The following TNC variants were observed in gnomAD, a reference collection of about 807,000 sequenced individuals.
TNC encodes tenascin C.
Under a neutral mutation model 202.4 loss-of-function variants are expected in TNC, and 109 were observed. The ratio of observed to expected loss-of-function variants is 0.54; its 90% CI spans 0.46 to 0.63. TNC has a LOEUF of 0.63. TNC is among the 30% of genes least tolerant of loss of function. TNC has a pLI of 0.00. For synonymous variants in TNC, 1,007 were observed against 1,089.7 expected, an observed-to-expected ratio of 0.92 and a Z score of 1.50; for missense variants, 2,756 against 2,833.3, an observed-to-expected ratio of 0.97 and a Z score of 0.62.
intron 1 of TNC, among the ~76,000 whole-genome samples, chr9:115,104,737 G>A (rs1836486012): frequency 6.6e-6 from 1 of 152,056 alleles, no homozygotes; most frequent in Non-Finnish European, 1.5e-5. Context: ...CCATGACATT[G>A]GGCATATTAA....
Position 115,090,926 on chromosome 9 carries a change from G to A in TNC, c.93C>T (p.His31=). ...TGGCGTTCACCCCACTCTGTCGCTT[G>A]TGCCGGATGACTTTCTTGAGGACCC... ...EGGVLKKVIR[H]KRQSGVNATL... The change falls in exon 2 of 28, where the codon CAC becomes CAT. Residue 31 remains histidine, a synonymous_variant. Coordinates refer to ENST00000350763, the MANE Select transcript of TNC (RefSeq NM_002160.4). 3 of 1,614,162 alleles carry A rather than the reference G, an allele frequency of 1.9e-6. No individual in the cohort carries two copies. The highest frequency in any genetic ancestry group is 2.5e-6 in the Non-Finnish European group (3 of 1,180,028).
Position 115,090,671 on chromosome 9 carries a change from G to T in TNC, c.348C>A (p.Ala116=). The part of the protein sequence containing the change: ...IPRRACGCAA[A]PDVKELLSRL... ...TGCTCAGCAGCTCCTTAACATCAGG[G>T]GCTGCGGCACAGCCACAGGCCCGGC... The change falls in exon 2 of 28, where the codon GCC becomes GCA. Residue 116 remains alanine (A), a synonymous_variant. Transcript: ENST00000350763. 2 of 1,614,088 alleles carry T rather than the reference G, an allele frequency of 1.2e-6. No homozygotes were observed. Among genetic ancestry groups the T allele is most frequent in the Non-Finnish European group, 1.7e-6 (2 of 1,179,968 alleles).
In TNC at chr9:115,026,541, C is replaced by T. The variant is rs751195565; in HGVS notation, c.6324G>A (p.Gly2108=). ...RYKLKVEGYS[G]TAGDSMAYHN... ...GTGCAGCCACTACTGTACCTGCTGT[C>T]CCACTGTACCCCTCCACCTTCAGCT... Residue 2108 remains glycine (G), a synonymous_variant, in exon 26 of 28, where the codon GGG becomes GGA. Coordinates refer to ENST00000350763, the MANE Select transcript of TNC (RefSeq NM_002160.4). 1.2e-5 allele frequency: 20 copies of T among 1,613,920 alleles called. No homozygotes were observed. The highest frequency in any genetic ancestry group is 3.3e-5 in the South Asian group (3 of 91,066).
chr9:115,101,270 G>A (rs1186387340), intron 1 of TNC, among the ~76,000 whole-genome samples: 1 of 152,158 alleles, frequency 6.6e-6, no homozygotes, highest in Non-Finnish European at 1.5e-5. Flanking sequence ...GGAGTGCAGT[G>A]GTGCGATCTC....
intron 24 of TNC, 82 bp downstream of exon 24, chr9:115,030,172 G>C: frequency 7.0e-7 from 1 of 1,422,196 alleles, no homozygotes; most frequent in Non-Finnish European, 9.5e-7. Context: ...ATCAGGAGGA[G>C]ATCACCCTCT....
In TNC at chr9:115,020,580, C is replaced by A. The variant is rs1212192120; in HGVS notation, c.*577G>T. ...TTTAAAAAAAAAATACAATCAGGTACTGTCCAGAAATGTTTTGGAAAGAAA... is the reference window on the plus strand; with the variant it reads ...TTTAAAAAAAAAATACAATCAGGTAATGTCCAGAAATGTTTTGGAAAGAAA... On this transcript the variant is annotated 3_prime_UTR_variant, in exon 28 of 28. Transcript: ENST00000350763. 1 of 321,940 alleles carries A rather than the reference C, an allele frequency of 3.1e-6. No individual in the cohort carries two copies. Among genetic ancestry groups the A allele is most frequent in the Non-Finnish European group, 6.1e-6 (1 of 165,038 alleles). 19.9% of individuals were successfully genotyped at this position (321,940 alleles called of 1,614,324 possible).
chr9:115,039,796 G>A (rs1830596989), intron 19 of TNC, among the ~76,000 whole-genome samples: 1 of 152,240 alleles, frequency 6.6e-6, no homozygotes, highest in African/African-American at 2.4e-5. Context: ...TGACAATGGG[G>A]CATTGGGAGG....
chr9:115,092,552 AT>A (rs1243364259), intron 1 of TNC, among the ~76,000 whole-genome samples: 6 of 152,098 alleles, frequency 3.9e-5, no homozygotes, highest in Admixed American at 3.9e-4. Flanking sequence ...TAAAATTCAA[AT>A]GATAATTGAA....
rs879112257 is a variant in TNC, at chr9:115,073,782, A to G, written c.3035T>C (p.Phe1012Ser). 1.1e-5 allele frequency: 17 copies of G among 1,614,090 alleles called. 2 individuals are homozygous for G. The Admixed American group carries it at 2.7e-4, about 25-fold the overall frequency. ...ACTGTAATTGAGGCGGTAGCGGTCA[A>G]ATTTGGCCAACGGTGTCTTCCAGAG... ...TLLWKTPLAK[F>S]DRYRLNYSLP... is the part of the protein sequence containing the mutation. Residue 1012 changes from phenylalanine (F) to serine (S), a missense_variant, in exon 10 of 28, where the codon TTT becomes TCT. Phe to Ser is a radical substitution (Grantham distance 155). Transcript: ENST00000350763.
chr9:115,104,104 A>G (rs1264515139), intron 1 of TNC, among the ~76,000 whole-genome samples: 1 of 152,244 alleles, frequency 6.6e-6, no homozygotes, highest in African/African-American at 2.4e-5. Context: ...GGTTCTGGAC[A>G]AGTGGCAACA....
Position 115,063,938 on chromosome 9 carries a change from C to G in TNC, c.3618G>C (p.Glu1206Asp), listed in dbSNP as rs200472820. 2 of 1,614,150 alleles carry G rather than the reference C, an allele frequency of 1.2e-6. No individual in the cohort carries two copies. Among genetic ancestry groups the G allele is most frequent in the East Asian group, 4.5e-5 (2 of 44,876 alleles). The stretch of plus-strand genomic sequence containing the variant: ...CTGGGACGGTGAGGTTCTGGGCTGC[C>G]TCTACTGTGTCAGCCTCCTGCACCT... ...FIQVQEADTVEAAQNLTVPGG... is the reference protein window; with the variant it reads ...FIQVQEADTVDAAQNLTVPGG... Residue 1206 changes from glutamate to aspartate, a missense_variant, in exon 12 of 28, where the codon GAG (glutamate) becomes GAC (aspartate). Around this residue, in one of 2 missense-constraint regions of TNC, gnomAD observed 2,559 missense variants for 2,546.0 expected, o/e 1.01. Coordinates refer to ENST00000350763, the MANE Select transcript of TNC (RefSeq NM_002160.4).
intron 1 of TNC, among the ~76,000 whole-genome samples, chr9:115,106,014 T>A (rs2482079): frequency 6.6e-6 from 1 of 152,096 alleles, no homozygotes; most frequent in Admixed American, 6.6e-5. Flanking sequence ...AGAGAACAAA[T>A]CCTAGACCCT....
chr9:115,113,219 A>G (rs1050140741), intron 1 of TNC, among the ~76,000 whole-genome samples: 8 of 152,164 alleles, frequency 5.3e-5, no homozygotes, highest in African/African-American at 1.9e-4. Context: ...TTGTCAGAAG[A>G]TGAATAGAAT....
rs1835144066 is a variant in TNC at position 115,090,613 on chromosome 9, G to A, written c.406C>T (p.Leu136=). 6.2e-7 allele frequency: 1 copy of A among 1,605,382 alleles called. No individual in the cohort carries two copies. The highest frequency in any genetic ancestry group is 8.5e-7 in the Non-Finnish European group (1 of 1,175,036). The part of the protein sequence containing the change: ...LEELENLVSS[L]REQCTAGAGC... ...GCTCCTGCAGTACATTGCTCCCTCA[G>A]GGAAGACACCAGGTTCTCCAGCTCC... The change falls in exon 2 of 28, where the codon CTG becomes TTG. Residue 136 remains leucine (L), a synonymous_variant. Coordinates refer to ENST00000350763, the MANE Select transcript of TNC (RefSeq NM_002160.4).
intron 18 of TNC, among the ~76,000 whole-genome samples, 168 bp downstream of exon 18, chr9:115,042,051 C>A (rs114806728): frequency 2.0e-5 from 3 of 152,270 alleles, no homozygotes; most frequent in East Asian, 3.9e-4. Flanking sequence ...TTCTAAGAAC[C>A]TCATAGCACT....
At chr9:115,114,755 CT>C (rs1837332583) in intron 1 of TNC, among the ~76,000 whole-genome samples, 1 of 152,188 alleles carries the variant, frequency 6.6e-6, no homozygotes, top group African/African-American at 2.4e-5. Context: ...AGTTAGAAAG[CT>C]TGGGTCAAAG....
chr9:115,023,724 G>A (rs902897704), intron 27 of TNC, among the ~76,000 whole-genome samples: 1 of 152,184 alleles, frequency 6.6e-6, no homozygotes, highest in Non-Finnish European at 1.5e-5. Flanking sequence ...TGAGTAAAGC[G>A]TTCTGTTTTT....
chr9:115,063,664 A>G, intron 12 of TNC, 132 bp downstream of exon 12: 1 of 1,018,616 alleles, frequency 9.8e-7, no homozygotes, highest in Non-Finnish European at 1.4e-6. Flanking sequence ...ATTTAGGAAG[A>G]AGCAGAGATG....
chr9:115,040,686 C>T (rs1257295691), intron 19 of TNC, among the ~76,000 whole-genome samples: 1 of 152,148 alleles, frequency 6.6e-6, no homozygotes. Flanking sequence ...TTTTCTTTCA[C>T]AATAGTCCAG....
Sources: gnomAD v4.1 joint callset for allele counts (sites outside exome capture counted in the v4.1 genomes callset) on GRCh38, gnomAD v4.1.1 for gene constraint, gnomAD v4.1.1 regional missense constraint, MANE v1.5 for transcripts, NCBI Gene and HGNC (gene_info 2026-07-23, HGNC 2026-07-21) for gene names.